Variants in CBLB observed in about 807,000 individuals in gnomAD.
The protein encoded by CBLB is Cbl proto-oncogene B.
CBLB carries 31 observed loss-of-function variants against 104.9 expected under a neutral mutation model. The ratio of observed to expected loss-of-function variants is 0.30; its 90% CI spans 0.22 to 0.40. The LOEUF (loss-of-function observed/expected upper bound fraction) is 0.40. CBLB is among the 10% of genes least tolerant of loss of function. CBLB has a pLI of 1.00. For missense variants in CBLB, 1,062 were observed against 1,214.6 expected (o/e 0.87, Z 1.87); for synonymous variants, 440 against 422.6 (o/e 1.04, Z -0.51).
At chr3:105,858,950 A>G (rs1212002996) in intron 2 of CBLB, among the ~76,000 whole-genome samples, 1 of 152,184 alleles carries the variant, frequency 6.6e-6, no homozygotes, top group Non-Finnish European at 1.5e-5. Flanking sequence ...TATGCATTCC[A>G]ATACATAAAT....
rs13071034 is a variant in CBLB at position 105,755,588 on chromosome 3, A to T, written c.567-3970T>A. 7.7e-3 allele frequency among the ~76,000 whole-genome samples: 1,171 copies of T among 152,328 alleles called. 10 individuals are homozygous for T. The highest frequency in any genetic ancestry group is 0.011 in the Non-Finnish European group (768 of 68,032). On this transcript the variant is annotated intron_variant, in intron 4 of 18. Transcript: ENST00000394030. ...TTTTAGTTTCAACTGATAGGAAAAA[A>T]TGAAAAACATTTCATACAACAAAGG...
intron 11 of CBLB, 73 bp from the exon 12 acceptor site, chr3:105,702,532 C>T (rs1320137156): frequency 7.1e-7 from 1 of 1,410,040 alleles, no homozygotes; most frequent in East Asian, 2.5e-5. Flanking sequence ...ACAGAACTTC[C>T]AAACTAGTGT....
At chr3:105,669,641 G>A (rs1456775436) in intron 18 of CBLB, among the ~76,000 whole-genome samples, 1 of 152,102 alleles carries the variant, frequency 6.6e-6, no homozygotes, top group East Asian at 1.9e-4. Flanking sequence ...GTAGTGACGG[G>A]TGCTATGAAG....
At chr3:105,813,251 G>A (rs992985991) in intron 3 of CBLB, among the ~76,000 whole-genome samples, 2 of 152,004 alleles carry the variant, frequency 1.3e-5, no homozygotes, top group Admixed American at 1.3e-4. Flanking sequence ...AAATTAACTA[G>A]ATCAAACAAA....
intron 3 of CBLB, among the ~76,000 whole-genome samples, chr3:105,816,617 C>T (rs1217757985): frequency 6.6e-6 from 1 of 152,140 alleles, no homozygotes; most frequent in Admixed American, 6.5e-5. Flanking sequence ...TTTAGAACTA[C>T]AGGAGTAAAT....
rs560383016 is a variant in CBLB at position 105,783,310 on chromosome 3, T to C, written c.420-6768A>G. On this transcript the variant is annotated intron_variant, in intron 3 of 18. Coordinates refer to ENST00000394030, the MANE Select transcript of CBLB (RefSeq NM_170662.5). ...TGAAAACCTTCAATAAGTAAGTTAT[T>C]TATCATTAATTCTACTTACCACTTG... Among the ~76,000 whole-genome samples, 27 of 152,290 alleles carry C rather than the reference T, an allele frequency of 1.8e-4. No homozygotes were observed. In the South Asian group the frequency reaches 5.4e-3, roughly 30 times the overall value.
At chr3:105,848,911 T>C (rs1333577166) in intron 3 of CBLB, among the ~76,000 whole-genome samples, 2 of 152,170 alleles carry the variant, frequency 1.3e-5, no homozygotes, top group Non-Finnish European at 2.9e-5. Flanking sequence ...GTTGCCTAAC[T>C]ACCTTTGATT....
At chr3:105,667,949 T>C (rs2064656303) in intron 18 of CBLB, among the ~76,000 whole-genome samples, 1 of 152,138 alleles carries the variant, frequency 6.6e-6, no homozygotes, top group Non-Finnish European at 1.5e-5. Flanking sequence ...GTCTCAAGGG[T>C]TGAATGGAAA....
chr3:105,746,246 G>A (rs190970317), intron 5 of CBLB, among the ~76,000 whole-genome samples: 6 of 152,268 alleles, frequency 3.9e-5, no homozygotes, highest in Non-Finnish European at 8.8e-5. Context: ...GCAGAAAACA[G>A]ATTTTTCAGG....
chr3:105,676,204 TA>T (rs2065624511), intron 17 of CBLB, among the ~76,000 whole-genome samples: 1 of 151,980 alleles, frequency 6.6e-6, no homozygotes, highest in Non-Finnish European at 1.5e-5. Context: ...ATCTATAAAA[TA>T]AATACAACGG....
chr3:105,814,160 C>T (rs1441455668), intron 3 of CBLB, among the ~76,000 whole-genome samples: 2 of 152,046 alleles, frequency 1.3e-5, no homozygotes, highest in Non-Finnish European at 2.9e-5. Context: ...GACTCAAAAT[C>T]CGAATAGAAT....
intron 3 of CBLB, among the ~76,000 whole-genome samples, chr3:105,817,754 C>A (rs1234070023): frequency 6.6e-6 from 1 of 151,966 alleles, no homozygotes; most frequent in Non-Finnish European, 1.5e-5. Context: ...GCAATAAAGG[C>A]AAGCAGAAAA....
intron 2 of CBLB, among the ~76,000 whole-genome samples, chr3:105,863,554 A>G (rs1238621365): frequency 1.3e-5 from 2 of 152,234 alleles, no homozygotes; most frequent in Non-Finnish European, 2.9e-5. Context: ...AGATATGAGG[A>G]ACTCAGCTTA....
intron 18 of CBLB, among the ~76,000 whole-genome samples, chr3:105,661,289 G>A (rs1035560750): frequency 2.0e-5 from 3 of 152,174 alleles, no homozygotes; most frequent in Admixed American, 6.5e-5. Flanking sequence ...ATTATCGTCT[G>A]ATAAACTGCG....
chr3:105,852,139 A>G (rs2091018428), intron 3 of CBLB, among the ~76,000 whole-genome samples: 1 of 152,208 alleles, frequency 6.6e-6, no homozygotes, highest in African/African-American at 2.4e-5. Context: ...GCTAACAGTA[A>G]AAGGGCCTCA....
chr3:105,702,463 A>C lies in CBLB; in HGVS notation c.1594-4T>G. 1 of 1,413,178 alleles carries C rather than the reference A, an allele frequency of 7.1e-7. No individual in the cohort carries two copies. The highest frequency in any genetic ancestry group is 2.3e-5 in the East Asian group (1 of 43,098). 87.5% of individuals were successfully genotyped at this position (1,413,178 alleles called of 1,614,324 possible). A position where few individuals can be genotyped will look rare whatever the true frequency, so the allele number is the denominator to read the frequency against. ...TTCTCACCATGCAAGGAGAAGACTAAAGAAACAGAAGAGAAAAAAAAAAAA... is the reference window on the plus strand; with the variant it reads ...TTCTCACCATGCAAGGAGAAGACTACAGAAACAGAAGAGAAAAAAAAAAAA... On this transcript the variant is annotated splice_polypyrimidine_tract_variant and splice_region_variant and intron_variant, in intron 11 of 18. Transcript: ENST00000394030.
intron 3 of CBLB, among the ~76,000 whole-genome samples, chr3:105,791,942 T>A (rs1297707713): frequency 6.6e-6 from 1 of 152,224 alleles, no homozygotes; most frequent in Non-Finnish European, 1.5e-5. Flanking sequence ...GTTTACAGCA[T>A]TTTCATATTT....
At chr3:105,695,549 T>C (rs2068260643) in intron 12 of CBLB, among the ~76,000 whole-genome samples, 1 of 151,864 alleles carries the variant, frequency 6.6e-6, no homozygotes, top group African/African-American at 2.4e-5. Flanking sequence ...TAACTTACTC[T>C]TGGAGGGCAA....
At chr3:105,766,759 C>G (rs1367155542) in intron 4 of CBLB, among the ~76,000 whole-genome samples, 1 of 152,132 alleles carries the variant, frequency 6.6e-6, no homozygotes, top group Non-Finnish European at 1.5e-5. Flanking sequence ...AAGTGACTTG[C>G]TTTATTGCAA....
Sources: gnomAD v4.1 joint callset for allele counts (sites outside exome capture counted in the v4.1 genomes callset) on GRCh38, gnomAD v4.1.1 for gene constraint, MANE v1.5 for transcripts, NCBI Gene and HGNC (gene_info 2026-07-23, HGNC 2026-07-21) for gene names.